The following OSBP2 variants were observed in gnomAD, a reference collection of about 807,000 sequenced individuals.
OSBP2 encodes oxysterol-binding protein 2.
OSBP2 carries 66 observed loss-of-function variants against 96.0 expected under a neutral mutation model. The ratio of observed to expected loss-of-function variants is 0.69; its 90% CI spans 0.56 to 0.84. The LOEUF (loss-of-function observed/expected upper bound fraction) is 0.84, where lower values mean the gene tolerates loss of function less well. Among genes scored for constraint, OSBP2 ranks in the 40% least tolerant of loss-of-function variants. The pLI, the probability that OSBP2 is intolerant of heterozygous loss-of-function variation, is 0.00. For missense variants in OSBP2, 1,038 were observed against 1,222.7 expected, an observed-to-expected ratio of 0.85 and a Z score of 2.25; for synonymous variants, 525 against 520.9, an observed-to-expected ratio of 1.01 and a Z score of -0.11.
chr22:30,694,052 T>C (rs775631326), upstream of OSBP2: 3 of 1,537,374 alleles, frequency 2.0e-6, no homozygotes, highest in African/African-American at 4.6e-5. Flanking sequence ...ATGGACCTAC[T>C]CTGGAAAAAT....
At chr22:30,851,294 C>T (rs1012828232) in intron 2 of OSBP2, among the ~76,000 whole-genome samples, 6 of 151,906 alleles carry the variant, frequency 3.9e-5, no homozygotes, top group Non-Finnish European at 8.8e-5. Context: ...TGTCTCAAGC[C>T]CTGACCTCAG....
chr22:30,893,226 C>A lies in OSBP2; in HGVS notation c.1974C>A (p.Ile658=), dbSNP rs567050952. 8 of 1,613,984 alleles carry A rather than the reference C, an allele frequency of 5.0e-6. No homozygotes were observed. Among genetic ancestry groups the A allele is most frequent in the Middle Eastern group, 1.6e-4 (1 of 6,082 alleles). ...TISSKFRGKY[I]SIMPLGAIHL... ...CCAGCAAGTTCCGGGGAAAATACAT[C>A]TCCATCATGCCGCTAGGTGAGCTGG... is the stretch of plus-strand genomic sequence containing the variant. The change falls in exon 9 of 14, where the codon ATC becomes ATA. Residue 658 remains isoleucine (I), a synonymous_variant. Coordinates refer to ENST00000332585, the MANE Select transcript of OSBP2 (RefSeq NM_030758.4).
At chr22:30,889,393 C>T in intron 6 of OSBP2, 97 bp from the exon 7 acceptor site, 1 of 1,497,722 alleles carries the variant, frequency 6.7e-7, no homozygotes, top group Non-Finnish European at 9.2e-7. Flanking sequence ...CAGTGGCCGG[C>T]TTGGTGCCAG....
At chr22:30,883,382 C>T (rs2039741799) in intron 3 of OSBP2, among the ~76,000 whole-genome samples, 1 of 152,256 alleles carries the variant, frequency 6.6e-6, no homozygotes, top group African/African-American at 2.4e-5. Flanking sequence ...TTCCCTGAAG[C>T]AGCACCCAGG....
chr22:30,817,556 G>A (rs136231), intron 2 of OSBP2, among the ~76,000 whole-genome samples: 9,686 of 152,266 alleles, frequency 0.064, 332 homozygotes, highest in Non-Finnish European at 0.079. Flanking sequence ...GAGGAGGAAT[G>A]CACCAGCAAT....
chr22:30,845,166 C>T (rs1405567165), intron 2 of OSBP2, among the ~76,000 whole-genome samples: 1 of 152,222 alleles, frequency 6.6e-6, no homozygotes, highest in African/African-American at 2.4e-5. Context: ...TGCAGTGACT[C>T]ACACCTGCAA....
In OSBP2 at chr22:30,889,183, A is replaced by C. The variant is rs777767806; in HGVS notation, c.1425A>C (p.Lys475Asn). The change falls in exon 6 of 14, where the codon AAA (lysine) becomes AAC (asparagine). Residue 475 changes from lysine to asparagine, a missense_variant. Around this residue, in one of 3 missense-constraint regions of OSBP2, gnomAD observed 737 missense variants for 913.3 expected, o/e 0.81. Coordinates refer to ENST00000332585, the MANE Select transcript of OSBP2 (RefSeq NM_030758.4). Reference protein sequence around the residue: ...VITEAKEDSRKAEGSTGTSSV... With the variant: ...VITEAKEDSRNAEGSTGTSSV... The stretch of plus-strand genomic sequence containing the variant: ...TCCCGCTTTGTATTTCCAGCAGAAA[A>C]GCTGAAGGTAGCACCGGGACAAGTT... 1.2e-6 allele frequency: 2 copies of C among 1,613,372 alleles called. No homozygotes were observed. Among genetic ancestry groups the C allele is most frequent in the Admixed American group, 1.7e-5 (1 of 59,894 alleles).
chr22:30,869,112 G>A (rs1015892757), intron 2 of OSBP2, among the ~76,000 whole-genome samples: 5 of 152,078 alleles, frequency 3.3e-5, no homozygotes, highest in East Asian at 1.9e-4. Flanking sequence ...GCTGTGGTGC[G>A]CCACCCCCCA....
At chr22:30,878,946 A>G (rs2039640910) in intron 3 of OSBP2, among the ~76,000 whole-genome samples, 2 of 152,256 alleles carry the variant, frequency 1.3e-5, no homozygotes, top group Middle Eastern at 3.4e-3. Flanking sequence ...GGGGCACCAG[A>G]TAGAGTGGGC....
chr22:30,710,526 C>T lies in OSBP2; in HGVS notation c.644+14973C>T, dbSNP rs192766412. Reference sequence around the variant, plus strand: ...GCCCTAGAGTCCTTTGGAAGGACCCCTGATAGAATTAGTGTTTAATAGCTT... The same window carrying T: ...GCCCTAGAGTCCTTTGGAAGGACCCTTGATAGAATTAGTGTTTAATAGCTT... On this transcript the variant is annotated intron_variant, in intron 1 of 13. Transcript: ENST00000332585. 1.4e-4 allele frequency among the ~76,000 whole-genome samples: 21 copies of T among 152,106 alleles called. No homozygotes were observed. In the East Asian group the frequency reaches 3.9e-3, roughly 28 times the overall value.
intron 1 of OSBP2, among the ~76,000 whole-genome samples, chr22:30,719,173 G>A (rs2089507392): frequency 1.3e-5 from 2 of 151,790 alleles, no homozygotes; most frequent in South Asian, 4.2e-4. Flanking sequence ...CATTATCCCT[G>A]GCTTCAGGCT....
At position 30,905,794 on chromosome 22, in the gene OSBP2, G is replaced by A. The variant is rs528702946; in HGVS notation, c.2376-43G>A. 5 of 1,604,466 alleles carry A rather than the reference G, an allele frequency of 3.1e-6. No homozygotes were observed. The African/African-American group carries it at 4.0e-5, about 13-fold the overall frequency. ...AGGGCGGCCGGGTAGGTGTGGTCCG[G>A]CTCACACCGCAGCCACCGCCACCGC... On this transcript the variant is annotated intron_variant, in intron 12 of 13. Coordinates refer to ENST00000332585, the MANE Select transcript of OSBP2 (RefSeq NM_030758.4).
intron 2 of OSBP2, among the ~76,000 whole-genome samples, chr22:30,742,022 G>A (rs935112869): frequency 2.0e-5 from 3 of 151,964 alleles, no homozygotes; most frequent in South Asian, 4.2e-4. Flanking sequence ...GTTTCATCAC[G>A]TTGGCCAGGC....
At chr22:30,812,531 G>C (rs1008725955) in intron 2 of OSBP2, among the ~76,000 whole-genome samples, 1 of 152,136 alleles carries the variant, frequency 6.6e-6, no homozygotes, top group African/African-American at 2.4e-5. Context: ...TTTTCCTCTT[G>C]ATGAACAATA....
At chr22:30,860,037 G>A (rs1300489992) in intron 2 of OSBP2, among the ~76,000 whole-genome samples, 1 of 152,182 alleles carries the variant, frequency 6.6e-6, no homozygotes, top group African/African-American at 2.4e-5. Flanking sequence ...GTTAAAGCTG[G>A]CAGGACCTGA....
intron 2 of OSBP2, among the ~76,000 whole-genome samples, chr22:30,806,459 G>C (rs2090929249): frequency 6.6e-6 from 1 of 152,158 alleles, no homozygotes; most frequent in African/African-American, 2.4e-5. Flanking sequence ...CTCCAGGATG[G>C]GGCTTGTGAT....
chr22:30,836,645 A>G (rs768111795), intron 2 of OSBP2, among the ~76,000 whole-genome samples: 2 of 152,218 alleles, frequency 1.3e-5, no homozygotes, highest in African/African-American at 4.8e-5. Context: ...TCTTTGGGCA[A>G]GCTTTCAGGC....
At chr22:30,695,707 C>T (rs556544629) in intron 1 of OSBP2, among the ~76,000 whole-genome samples, 154 bp downstream of exon 1, 9 of 152,316 alleles carry the variant, frequency 5.9e-5, no homozygotes, top group Non-Finnish European at 1.0e-4. Flanking sequence ...TCTGGCCCGC[C>T]GCCAAGGGCC....
chr22:30,714,556 A>G (rs1032011149), intron 1 of OSBP2, among the ~76,000 whole-genome samples: 7 of 152,022 alleles, frequency 4.6e-5, no homozygotes, highest in African/African-American at 1.7e-4. Flanking sequence ...ATGAAACTCT[A>G]TGTTCATTGG....
Sources: allele counts gnomAD v4.1 joint callset (sites outside exome capture counted in the v4.1 genomes callset), GRCh38; gene constraint gnomAD v4.1.1; regional missense constraint gnomAD v4.1.1; transcripts MANE v1.5; gene names NCBI Gene and HGNC (gene_info 2026-07-23, HGNC 2026-07-21).